The following TTC7B variants were observed in gnomAD, a reference collection of about 807,000 sequenced individuals.
TTC7B encodes tetratricopeptide repeat protein 7B.
In TTC7B, 28 loss-of-function variants were observed where a neutral mutation model predicts 106.8. The observed-to-expected ratio is 0.26, with a 90% CI of 0.19 to 0.36. TTC7B has a LOEUF of 0.36. TTC7B is among the 10% of genes least tolerant of loss of function. The pLI is 1.00. For missense variants in TTC7B, 862 were observed against 1,076.4 expected, an observed-to-expected ratio of 0.80 and a Z score of 2.79; for synonymous variants, 405 against 430.6, an observed-to-expected ratio of 0.94 and a Z score of 0.74.
intron 18 of TTC7B, among the ~76,000 whole-genome samples, chr14:90,588,064 G>A (rs1353264053): frequency 6.6e-6 from 1 of 152,218 alleles, no homozygotes; most frequent in Non-Finnish European, 1.5e-5. Flanking sequence ...CCTCAGGGAC[G>A]TCGTGTTCCC....
chr14:90,785,861 A>G (rs1001366320), intron 2 of TTC7B, among the ~76,000 whole-genome samples: 2 of 152,196 alleles, frequency 1.3e-5, no homozygotes, highest in African/African-American at 4.8e-5. Context: ...GAACTGCGTA[A>G]CATGTCAGGT....
chr14:90,603,616 A>C (rs990220847), intron 17 of TTC7B, among the ~76,000 whole-genome samples: 1 of 152,188 alleles, frequency 6.6e-6, no homozygotes, highest in Non-Finnish European at 1.5e-5. Flanking sequence ...ATAATCAAAC[A>C]AGTGGGTTTT....
intron 6 of TTC7B, among the ~76,000 whole-genome samples, chr14:90,693,217 A>G (rs1305347537): frequency 6.6e-6 from 1 of 152,182 alleles, no homozygotes; most frequent in Non-Finnish European, 1.5e-5. Flanking sequence ...CTTAGTTTTA[A>G]TAAGCACCAG....
intron 15 of TTC7B, among the ~76,000 whole-genome samples, chr14:90,628,652 G>A (rs1329006869): frequency 6.6e-6 from 1 of 152,232 alleles, no homozygotes; most frequent in Admixed American, 6.5e-5. Flanking sequence ...GCCTGGCAGG[G>A]CACTGGGAAG....
chr14:90,793,612 T>C (rs866829942), intron 1 of TTC7B, among the ~76,000 whole-genome samples: 5,602 of 108,144 alleles, frequency 0.052, 143 homozygotes, highest in Non-Finnish European at 0.085. Context: ...TTTCTTTTTT[T>C]CTTTTTTTTT....
chr14:90,676,501 C>T, intron 9 of TTC7B, 22 bp downstream of exon 9: 1 of 1,611,498 alleles, frequency 6.2e-7, no homozygotes, highest in Non-Finnish European at 8.5e-7. Context: ...ACCTGGATGT[C>T]AACCAGACTC....
At chr14:90,655,237 A>G (rs1158354488) in intron 11 of TTC7B, 127 bp from the exon 12 acceptor site, 2 of 700,830 alleles carry the variant, frequency 2.9e-6, no homozygotes, top group South Asian at 1.6e-5. Context: ...AAATCTCCCA[A>G]TCCCACTCTG....
At chr14:90,607,400 G>C (rs1433320066) in intron 17 of TTC7B, among the ~76,000 whole-genome samples, 3 of 152,196 alleles carry the variant, frequency 2.0e-5, no homozygotes, top group Admixed American at 6.5e-5. Flanking sequence ...CCCTTTAAAG[G>C]GGACTTAGAA....
intron 5 of TTC7B, among the ~76,000 whole-genome samples, chr14:90,711,978 A>C (rs1353131730): frequency 6.6e-6 from 1 of 152,216 alleles, no homozygotes; most frequent in Non-Finnish European, 1.5e-5. Context: ...TTAAAAAACC[A>C]AGATCCACCC....
chr14:90,593,667 A>C, intron 17 of TTC7B, 41 bp from the exon 18 acceptor site: 4 of 1,529,822 alleles, frequency 2.6e-6, no homozygotes, highest in Non-Finnish European at 3.5e-6. Context: ...GGAGCGAAAG[A>C]ACAGACCCAA....
At chr14:90,814,781 G>T (rs543136898) in intron 1 of TTC7B, among the ~76,000 whole-genome samples, 3 of 152,244 alleles carry the variant, frequency 2.0e-5, no homozygotes, top group Admixed American at 2.0e-4. Flanking sequence ...CTGGGGCCCA[G>T]GGCACTGAAC....
intron 13 of TTC7B, among the ~76,000 whole-genome samples, chr14:90,649,317 A>T (rs1379697039): frequency 6.6e-6 from 1 of 152,242 alleles, no homozygotes; most frequent in Non-Finnish European, 1.5e-5. Context: ...TGCCAAACAA[A>T]ACAAGAAAAA....
intron 3 of TTC7B, among the ~76,000 whole-genome samples, chr14:90,777,332 A>G (rs1482211695): frequency 6.6e-6 from 1 of 152,154 alleles, no homozygotes; most frequent in African/African-American, 2.4e-5. Context: ...CACCGTGGCC[A>G]CTGCTACGCT....
chr14:90,766,797 T>A (rs1595359750), intron 3 of TTC7B: 1 of 1,577,582 alleles, frequency 6.3e-7, no homozygotes, highest in East Asian at 2.2e-5. Context: ...CACAGAAGGA[T>A]GTAAAGGATG....
intron 19 of TTC7B, among the ~76,000 whole-genome samples, chr14:90,547,030 C>T (rs1482838182): frequency 2.0e-5 from 3 of 152,166 alleles, no homozygotes; most frequent in Non-Finnish European, 4.4e-5. Context: ...GGAGAGGATG[C>T]GCACACAGAC....
chr14:90,635,368 A>C (rs1884886765), intron 15 of TTC7B, among the ~76,000 whole-genome samples: 1 of 152,186 alleles, frequency 6.6e-6, no homozygotes. Context: ...AGAAAGCATA[A>C]ATAGCATGGT....
chr14:90,794,387 C>T (rs577468884), intron 1 of TTC7B, among the ~76,000 whole-genome samples: 8 of 151,812 alleles, frequency 5.3e-5, no homozygotes, highest in South Asian at 2.1e-4. Context: ...CCACCACACC[C>T]GGCTAATTTT....
At chr14:90,681,637 G>A (rs1887052634) in intron 7 of TTC7B, among the ~76,000 whole-genome samples, 1 of 152,220 alleles carries the variant, frequency 6.6e-6, no homozygotes, top group Non-Finnish European at 1.5e-5. Flanking sequence ...ACCGCTGGAG[G>A]TAAGGAAGCC....
At chr14:90,714,268 T>C (rs909409431) in intron 5 of TTC7B, among the ~76,000 whole-genome samples, 1 of 151,494 alleles carries the variant, frequency 6.6e-6, no homozygotes, top group African/African-American at 2.4e-5. Context: ...ATCAACTACG[T>C]ATTCTATGAT....
Sources: allele counts gnomAD v4.1 joint callset (sites outside exome capture counted in the v4.1 genomes callset), GRCh38; gene constraint gnomAD v4.1.1; transcripts MANE v1.5; gene names NCBI Gene and HGNC (gene_info 2026-07-23, HGNC 2026-07-21).